Variants in WWOX observed in about 807,000 individuals in gnomAD.
The protein encoded by WWOX is WW domain-containing oxidoreductase.
In WWOX, 69 loss-of-function variants were observed where a neutral mutation model predicts 46.2. The observed-to-expected ratio is 1.49, with a 90% CI of 1.23 to 1.82. WWOX has a LOEUF of 1.82. WWOX is among the 40% of genes most tolerant of loss of function. The pLI is 0.00. For missense variants in WWOX, 919 were observed against 542.6 expected (o/e 1.69, Z -6.89); for synonymous variants, 359 against 202.6 (o/e 1.77, Z -6.56).
At chr16:78,752,820 G>T (rs187714153) in intron 8 of WWOX, among the ~76,000 whole-genome samples, 1 of 152,110 alleles carries the variant, frequency 6.6e-6, no homozygotes, top group South Asian at 2.1e-4. Context: ...ATGGCCTGGC[G>T]AGCCGCCTTA....
chr16:79,058,460 GGA>G (rs2048304928), intron 8 of WWOX, among the ~76,000 whole-genome samples: 1 of 151,956 alleles, frequency 6.6e-6, no homozygotes, highest in African/African-American at 2.4e-5. Flanking sequence ...AGAGAAGGAA[GGA>G]AGAGAGAGAG....
Position 78,424,915 on chromosome 16 carries a change from CTGGAGTCTCACCAAAGA to C in WWOX, c.655_671del (p.Ser219ProfsTer45). On this transcript the variant is annotated frameshift_variant, in exon 7 of 9. Transcript: ENST00000566780. LOFTEE classifies it high-confidence loss of function. ...GCAACGCAGCAACTTTTGCTCTACCCTGGAGTCTCACCAAAGATGGCCTGGAGACCACCTTTCAAGTG... is the reference window on the plus strand; with the variant it reads ...GCAACGCAGCAACTTTTGCTCTACCCTGGCCTGGAGACCACCTTTCAAGTG... 1 of 1,614,138 alleles carries C rather than the reference CTGGAGTCTCACCAAAGA, an allele frequency of 6.2e-7. No homozygotes were observed. The highest frequency in any genetic ancestry group is 1.1e-5 in the South Asian group (1 of 91,076).
rs529780447 is a variant in WWOX, at chr16:78,931,289, G to C, written c.1057-280319G>C. 8.5e-5 allele frequency among the ~76,000 whole-genome samples: 13 copies of C among 152,262 alleles called. No individual in the cohort carries two copies. The South Asian group carries it at 2.7e-3, about 32-fold the overall frequency. On this transcript the variant is annotated intron_variant, in intron 8 of 8. Transcript: ENST00000566780. ...TCAGCATGCTCTAGGAATGGTAAGA[G>C]AAACTCCCAATCTGAACGGTAGTCA...
intron 8 of WWOX, among the ~76,000 whole-genome samples, chr16:78,923,565 C>T (rs749104779): frequency 6.6e-6 from 1 of 151,902 alleles, no homozygotes; most frequent in Non-Finnish European, 1.5e-5. Context: ...ATAAATTTTC[C>T]ATTCATAGTG....
intron 8 of WWOX, among the ~76,000 whole-genome samples, chr16:78,595,765 T>A (rs2045474583): frequency 6.6e-6 from 1 of 152,228 alleles, no homozygotes; most frequent in Admixed American, 6.5e-5. Context: ...AGCATAGCCA[T>A]CATCTCAAAC....
intron 6 of WWOX, among the ~76,000 whole-genome samples, chr16:78,400,466 A>C (rs1269183554): frequency 6.6e-6 from 1 of 152,150 alleles, no homozygotes; most frequent in South Asian, 2.1e-4. Flanking sequence ...CAGGATTCTA[A>C]TGTAATTGTT....
intron 8 of WWOX, among the ~76,000 whole-genome samples, chr16:78,792,419 G>T (rs2050630613): frequency 1.3e-5 from 2 of 152,168 alleles, no homozygotes; most frequent in South Asian, 4.1e-4. Flanking sequence ...GCTTCCTATT[G>T]CTTCTTCATT....
At chr16:78,851,780 A>G (rs887156116) in intron 8 of WWOX, among the ~76,000 whole-genome samples, 1 of 152,232 alleles carries the variant, frequency 6.6e-6, no homozygotes, top group Non-Finnish European at 1.5e-5. Context: ...GGGGCTGTAG[A>G]TGAACTGTTC....
chr16:79,194,311 C>G (rs1313661855), intron 8 of WWOX, among the ~76,000 whole-genome samples: 1 of 152,142 alleles, frequency 6.6e-6, no homozygotes, highest in Non-Finnish European at 1.5e-5. Context: ...AGCATTCATT[C>G]ATTCATCCTT....
intron 8 of WWOX, among the ~76,000 whole-genome samples, chr16:79,184,919 G>A (rs928744568): frequency 2.0e-5 from 3 of 152,220 alleles, no homozygotes; most frequent in African/African-American, 7.2e-5. Flanking sequence ...GATAATCATT[G>A]GCTGTAGGGA....
chr16:78,895,196 T>C (rs1452392144), intron 8 of WWOX, among the ~76,000 whole-genome samples: 1 of 152,236 alleles, frequency 6.6e-6, no homozygotes, highest in Non-Finnish European at 1.5e-5. Context: ...AAAATCACTT[T>C]TAAAGAATCT....
intron 8 of WWOX, among the ~76,000 whole-genome samples, chr16:78,590,883 ACAC>A (rs1342498980): frequency 2.6e-5 from 4 of 152,138 alleles, no homozygotes; most frequent in African/African-American, 9.7e-5. Flanking sequence ...CGTTTAGACA[ACAC>A]CAGCTGCTAC....
At chr16:78,363,845 G>C (rs1360901041) in intron 5 of WWOX, among the ~76,000 whole-genome samples, 1 of 152,132 alleles carries the variant, frequency 6.6e-6, no homozygotes, top group Non-Finnish European at 1.5e-5. Context: ...ACTTGCCCGA[G>C]GTCATGTGCA....
intron 8 of WWOX, among the ~76,000 whole-genome samples, chr16:78,886,639 C>CATATATATATATATATAT (rs3085495): frequency 8.4e-4 from 121 of 144,812 alleles, no homozygotes; most frequent in African/African-American, 1.1e-3. Flanking sequence ...CAAAGAAAAA[C>CATATATATATATATATAT]ATATATATAT....
chr16:78,890,024 A>T (rs928702821), intron 8 of WWOX, among the ~76,000 whole-genome samples: 3 of 152,124 alleles, frequency 2.0e-5, no homozygotes, highest in African/African-American at 7.2e-5. Flanking sequence ...GAATTTTCTG[A>T]AGTTTGAAAC....
rs142850919 is a variant in WWOX, at chr16:78,540,350, C to T, written c.1056+107598C>T. ...ATCTTGATTCTGAGCTTTGGTTCTA[C>T]ACATTAGAATTGTTGCCTGGGCCTG... On this transcript the variant is annotated intron_variant, in intron 8 of 8. Coordinates refer to ENST00000566780, the MANE Select transcript of WWOX (RefSeq NM_016373.4). Among the ~76,000 whole-genome samples, 88 of 152,158 alleles carry T rather than the reference C, an allele frequency of 5.8e-4. No homozygotes were observed. In the East Asian group the frequency reaches 0.014, roughly 23 times the overall value.
chr16:78,582,847 A>C (rs2045096566), intron 8 of WWOX, among the ~76,000 whole-genome samples: 2 of 152,166 alleles, frequency 1.3e-5, no homozygotes, highest in Non-Finnish European at 2.9e-5. Context: ...TGTCAGTTAC[A>C]AGAGGCCCTT....
intron 8 of WWOX, among the ~76,000 whole-genome samples, chr16:79,190,773 C>G (rs570136927): frequency 2.6e-5 from 4 of 152,130 alleles, no homozygotes; most frequent in East Asian, 1.9e-4. Context: ...ATTTGTTTAC[C>G]TATTGTCTAT....
intron 8 of WWOX, among the ~76,000 whole-genome samples, chr16:78,963,799 G>A (rs2046316262): frequency 6.6e-6 from 1 of 152,120 alleles, no homozygotes. Context: ...CTTTGGCTGT[G>A]TCCCCACCCA....
Sources: allele counts gnomAD v4.1 joint callset (sites outside exome capture counted in the v4.1 genomes callset), GRCh38; gene constraint gnomAD v4.1.1; transcripts MANE v1.5; gene names NCBI Gene and HGNC (gene_info 2026-07-23, HGNC 2026-07-21).